PRDM16: variants seen among roughly 807,000 people sequenced by gnomAD.
PRDM16 encodes PR/SET domain 16.
Under a neutral mutation model 110.6 loss-of-function variants are expected in PRDM16, and 23 were observed. The ratio of observed to expected loss-of-function variants is 0.21; its 90% CI spans 0.15 to 0.29. PRDM16 has a LOEUF of 0.29. Ranked by LOEUF, PRDM16 falls within the 10% of genes least tolerant of loss-of-function variation. PRDM16 has a pLI of 1.00. For synonymous variants in PRDM16, 799 were observed against 781.8 expected (o/e 1.02, Z -0.37); for missense variants, 1,615 against 1,794.3 (o/e 0.90, Z 1.81).
chr1:3,115,339 G>A (rs1272826857), intron 1 of PRDM16, among the ~76,000 whole-genome samples: 1 of 152,234 alleles, frequency 6.6e-6, no homozygotes, highest in Non-Finnish European at 1.5e-5. Flanking sequence ...CCGTCAGAAA[G>A]GGAGTGCAGG....
intron 3 of PRDM16, among the ~76,000 whole-genome samples, chr1:3,279,164 G>A (rs1328384884): frequency 6.6e-6 from 1 of 152,220 alleles, no homozygotes; most frequent in Non-Finnish European, 1.5e-5. Context: ...GTCATCAGGA[G>A]CCTCGAAGCG....
At chr1:3,070,330 C>A (rs887949172) in intron 1 of PRDM16, among the ~76,000 whole-genome samples, 2 of 148,784 alleles carry the variant, frequency 1.3e-5, no homozygotes, top group Admixed American at 6.7e-5. Flanking sequence ...CGCCACAGCG[C>A]CTCCGAGCAG....
At chr1:3,189,596 G>C (rs1638247208) in intron 2 of PRDM16, among the ~76,000 whole-genome samples, 1 of 152,252 alleles carries the variant, frequency 6.6e-6, no homozygotes, top group African/African-American at 2.4e-5. Context: ...TGACTTTACT[G>C]TAATGTCCAC....
chr1:3,322,553 G>A (rs1641784939), intron 3 of PRDM16, among the ~76,000 whole-genome samples: 2 of 151,994 alleles, frequency 1.3e-5, no homozygotes, highest in Non-Finnish European at 2.9e-5. Flanking sequence ...TGGCGGAGAG[G>A]CCACCACTGT....
chr1:3,146,536 C>T, intron 1 of PRDM16, among the ~76,000 whole-genome samples: 1 of 141,964 alleles, frequency 7.0e-6, no homozygotes, highest in African/African-American at 2.7e-5. Context: ...GGTGTGTGTG[C>T]ACGTGTGTTC....
chr1:3,416,200 C>G (rs1174309011), intron 10 of PRDM16, among the ~76,000 whole-genome samples: 1 of 152,198 alleles, frequency 6.6e-6, no homozygotes, highest in Admixed American at 6.5e-5. Flanking sequence ...AAAACGTCCC[C>G]ACCACTGGCT....
intron 3 of PRDM16, among the ~76,000 whole-genome samples, chr1:3,287,270 CCCCGCCACGCGGGCA>C (rs1246875449): frequency 2.1e-4 from 31 of 150,972 alleles, no homozygotes; most frequent in African/African-American, 7.6e-4. Context: ...GCTGGAGGCG[CCCCGCCACGCGGGCA>C]TCCAGGATTG....
intron 1 of PRDM16, among the ~76,000 whole-genome samples, chr1:3,092,099 C>G (rs1642290246): frequency 6.9e-6 from 1 of 145,842 alleles, no homozygotes; most frequent in African/African-American, 2.6e-5. Flanking sequence ...TCCCTGGGCC[C>G]CCATGTCACG....
chr1:3,401,241 T>A (rs780744382), intron 5 of PRDM16, among the ~76,000 whole-genome samples: 3 of 152,198 alleles, frequency 2.0e-5, no homozygotes, highest in Non-Finnish European at 4.4e-5. Context: ...CTAAAAGGCC[T>A]ATGACCGTGG....
rs74422499 is a variant in PRDM16, at chr1:3,213,044, G to A, written c.387+26570G>A. 5.9e-3 allele frequency among the ~76,000 whole-genome samples: 899 copies of A among 152,330 alleles called. 10 individuals carry two copies. Among genetic ancestry groups the A allele is most frequent in the African/African-American group, 0.02 (844 of 41,572 alleles). ...ACAGGTCTCACCCAGAAAGGAAAGC[G>A]GGGTCGGCTCGCCCGCCTGCCGCAC... is the stretch of plus-strand genomic sequence containing the variant. On this transcript the variant is annotated intron_variant, in intron 2 of 16. Coordinates refer to ENST00000270722, the MANE Select transcript of PRDM16 (RefSeq NM_022114.4). This position sits in a 1 kb window ranked among gnomAD's most constrained non-coding sequence, Gnocchi z 5.3.
chr1:3,104,441 G>A (rs913377588), intron 1 of PRDM16, among the ~76,000 whole-genome samples: 2 of 152,200 alleles, frequency 1.3e-5, no homozygotes, highest in Admixed American at 6.5e-5. Context: ...GAGGCTGCCC[G>A]GGGAGGGACA....
At chr1:3,261,355 C>T (rs1218064181) in intron 3 of PRDM16, among the ~76,000 whole-genome samples, 1 of 152,068 alleles carries the variant, frequency 6.6e-6, no homozygotes, top group Non-Finnish European at 1.5e-5. Flanking sequence ...CACTTGAGTT[C>T]CTTTGTCCTT....
chr1:3,295,244 G>T (rs1363947968), intron 3 of PRDM16, among the ~76,000 whole-genome samples: 2 of 152,204 alleles, frequency 1.3e-5, no homozygotes, highest in Admixed American at 1.3e-4. Context: ...CAGGTGGCGG[G>T]CAGGACAGCT....
intron 1 of PRDM16, among the ~76,000 whole-genome samples, chr1:3,111,971 G>A (rs970497592): frequency 1.3e-5 from 2 of 152,298 alleles, no homozygotes; most frequent in East Asian, 1.9e-4. Context: ...CTGATGGGCC[G>A]GCGCGGCGGC....
chr1:3,426,318 C>G, intron 14 of PRDM16, 93 bp downstream of exon 14: 3 of 1,028,994 alleles, frequency 2.9e-6, no homozygotes, highest in Non-Finnish European at 4.3e-6. Context: ...ACCCCAGCAC[C>G]AGCCCCTAAC....
intron 2 of PRDM16, among the ~76,000 whole-genome samples, chr1:3,226,043 C>T (rs1355105406): frequency 4.6e-5 from 7 of 152,236 alleles, no homozygotes; most frequent in East Asian, 3.9e-4. Flanking sequence ...GCCTCGACCT[C>T]GCCCAGCAGG....
Position 3,143,266 on chromosome 1 carries a change from C to A in PRDM16, c.38-42859C>A, listed in dbSNP as rs886644810. Among the ~76,000 whole-genome samples, 4 of 152,004 alleles carry A rather than the reference C, an allele frequency of 2.6e-5. No homozygotes were observed. Among genetic ancestry groups the A allele is most frequent in the African/African-American group, 9.7e-5 (4 of 41,366 alleles). ...GGACCCCTGGGTGTGCGGGACCGTG[C>A]CGGGAAGTGTGGACATGGGTCCGGG... On this transcript the variant is annotated intron_variant, in intron 1 of 16. Coordinates refer to ENST00000270722, the MANE Select transcript of PRDM16 (RefSeq NM_022114.4). This position sits in a 1 kb window ranked among gnomAD's most constrained non-coding sequence, Gnocchi z 4.5.
intron 3 of PRDM16, among the ~76,000 whole-genome samples, chr1:3,347,344 T>G (rs1421938102): frequency 6.6e-6 from 1 of 152,198 alleles, no homozygotes; most frequent in Non-Finnish European, 1.5e-5. Flanking sequence ...AGGGCCTCCA[T>G]GCATGCTGGC....
intron 2 of PRDM16, among the ~76,000 whole-genome samples, chr1:3,221,758 C>T (rs769859855): frequency 3.9e-5 from 6 of 152,200 alleles, no homozygotes; most frequent in Non-Finnish European, 8.8e-5. Context: ...TGTGTGCAAA[C>T]AGTGACATGC....
Sources: gnomAD v4.1 joint callset for allele counts (sites outside exome capture counted in the v4.1 genomes callset) on GRCh38, gnomAD v4.1.1 for gene constraint, Gnocchi (gnomAD v3.1) non-coding constraint, MANE v1.5 for transcripts, NCBI Gene and HGNC (gene_info 2026-07-23, HGNC 2026-07-21) for gene names.